The following ROBO1 variants were observed in gnomAD, a reference collection of about 807,000 sequenced individuals.
The protein encoded by ROBO1 is roundabout homolog 1.
A neutral mutation model predicts 195.9 loss-of-function variants in ROBO1; 149 were observed. That is an observed-to-expected ratio of 0.76 (90% confidence interval 0.67 to 0.87). The LOEUF (loss-of-function observed/expected upper bound fraction) is 0.87. Ranked by LOEUF, ROBO1 falls within the 40% of genes least tolerant of loss-of-function variation. The pLI is 0.00. For synonymous variants in ROBO1, 816 were observed against 733.2 expected, an observed-to-expected ratio of 1.11 and a Z score of -1.82; for missense variants, 1,933 against 2,068.3, an observed-to-expected ratio of 0.93 and a Z score of 1.27.
intron 4 of ROBO1, among the ~76,000 whole-genome samples, chr3:78,761,826 C>G (rs1384746469): frequency 6.6e-6 from 1 of 152,128 alleles, no homozygotes; most frequent in African/African-American, 2.4e-5. Flanking sequence ...GTCACACACT[C>G]ACATTATAAT....
intron 2 of ROBO1, among the ~76,000 whole-genome samples, chr3:79,586,407 A>C (rs1943831684): frequency 6.6e-6 from 1 of 151,920 alleles, no homozygotes; most frequent in African/African-American, 2.4e-5. Context: ...AAATCATTTC[A>C]GAAAATTTCA....
intron 2 of ROBO1, among the ~76,000 whole-genome samples, chr3:79,288,411 T>C (rs1041816003): frequency 6.6e-6 from 1 of 152,104 alleles, no homozygotes; most frequent in Admixed American, 6.5e-5. Context: ...AAGAAAAAAA[T>C]AAAAAACAGA....
intron 3 of ROBO1, among the ~76,000 whole-genome samples, chr3:79,091,645 A>G (rs752844391): frequency 6.6e-6 from 1 of 152,172 alleles, no homozygotes; most frequent in Non-Finnish European, 1.5e-5. Context: ...TATGGAAAAA[A>G]CAAAGTAGGG....
intron 1 of ROBO1, among the ~76,000 whole-genome samples, chr3:79,680,788 A>C (rs986864086): frequency 7.9e-5 from 12 of 152,042 alleles, no homozygotes; most frequent in African/African-American, 2.9e-4. Context: ...GCAGTAAGAA[A>C]TGACATGAAG....
At chr3:79,100,732 C>T (rs565930856) in intron 3 of ROBO1, among the ~76,000 whole-genome samples, 12 of 151,796 alleles carry the variant, frequency 7.9e-5, no homozygotes, top group African/African-American at 2.9e-4. Context: ...TCATCTGATC[C>T]TTATGTATTC....
chr3:78,948,265 A>G (rs1430732912), intron 3 of ROBO1, among the ~76,000 whole-genome samples: 1 of 152,218 alleles, frequency 6.6e-6, no homozygotes, highest in Non-Finnish European at 1.5e-5. Flanking sequence ...AAAATCCTCA[A>G]TAAAATACTG....
intron 3 of ROBO1, among the ~76,000 whole-genome samples, chr3:78,988,677 CTCTT>C (rs376492477): frequency 4.7e-4 from 71 of 152,264 alleles, no homozygotes; most frequent in African/African-American, 1.6e-3. Context: ...AACTCTAAAA[CTCTT>C]TGTTTTGTAA....
chr3:79,698,699 A>C (rs1947519429), intron 1 of ROBO1, among the ~76,000 whole-genome samples: 1 of 151,570 alleles, frequency 6.6e-6, no homozygotes, highest in Admixed American at 6.6e-5. Flanking sequence ...AGTATTCCTA[A>C]AGGGAACCAC....
intron 4 of ROBO1, among the ~76,000 whole-genome samples, chr3:78,804,963 C>T (rs1388826335): frequency 6.6e-6 from 1 of 152,018 alleles, no homozygotes; most frequent in East Asian, 1.9e-4. Flanking sequence ...TAAAGAATCT[C>T]CCTTGGTCAC....
At chr3:79,019,082 G>T (rs1470824010) in intron 3 of ROBO1, 1 of 989,956 alleles carries the variant, frequency 1.0e-6, no homozygotes, top group East Asian at 1.1e-4. Context: ...CGGCTGCCTG[G>T]GCGGGCCCTT....
intron 1 of ROBO1, among the ~76,000 whole-genome samples, chr3:79,617,011 A>G (rs1383506071): frequency 6.6e-6 from 1 of 152,206 alleles, no homozygotes; most frequent in Non-Finnish European, 1.5e-5. Context: ...CTTCAGTTAC[A>G]TTGTGGCCTT....
chr3:79,601,968 T>C (rs1021435422), intron 1 of ROBO1, among the ~76,000 whole-genome samples: 1 of 151,988 alleles, frequency 6.6e-6, no homozygotes, highest in Non-Finnish European at 1.5e-5. Context: ...AACTATGTTT[T>C]TATAGCTATT....
intron 26 of ROBO1, among the ~76,000 whole-genome samples, chr3:78,620,080 G>A (rs1268267267): frequency 6.6e-6 from 1 of 151,202 alleles, no homozygotes; most frequent in Non-Finnish European, 1.5e-5. Context: ...TTAACAGCAA[G>A]CAAACAAAAC....
intron 4 of ROBO1, among the ~76,000 whole-genome samples, chr3:78,760,831 G>A (rs572832267): frequency 4.6e-5 from 7 of 152,044 alleles, no homozygotes; most frequent in African/African-American, 1.7e-4. Flanking sequence ...TGTAGAGAGG[G>A]GGGTCTAACT....
chr3:78,735,650 C>G (rs1378646114), intron 5 of ROBO1, among the ~76,000 whole-genome samples: 1 of 151,980 alleles, frequency 6.6e-6, no homozygotes, highest in African/African-American at 2.4e-5. Flanking sequence ...TTATTAAACC[C>G]TATATATTTA....
At chr3:79,451,386 A>G (rs908357124) in intron 2 of ROBO1, among the ~76,000 whole-genome samples, 5 of 152,096 alleles carry the variant, frequency 3.3e-5, no homozygotes, top group African/African-American at 1.2e-4. Context: ...CTACTTAACC[A>G]TCTGAATGGT....
intron 2 of ROBO1, among the ~76,000 whole-genome samples, chr3:79,178,606 C>G (rs943778105): frequency 2.0e-5 from 3 of 152,030 alleles, no homozygotes; most frequent in African/African-American, 7.3e-5. Context: ...GTGTGAAATC[C>G]GAACAGAAAG....
At chr3:78,965,410 T>C (rs1023566448) in intron 3 of ROBO1, among the ~76,000 whole-genome samples, 5 of 152,162 alleles carry the variant, frequency 3.3e-5, no homozygotes, top group Admixed American at 6.5e-5. Flanking sequence ...AGTTTCCTTT[T>C]TTCATATCAT....
chr3:79,314,404 T>C (rs2033636536), intron 2 of ROBO1, among the ~76,000 whole-genome samples: 2 of 152,144 alleles, frequency 1.3e-5, no homozygotes, highest in Admixed American at 1.3e-4. Flanking sequence ...GTGAGAGAGT[T>C]CTCATGAGAT....
Sources: gnomAD v4.1 joint callset for allele counts (sites outside exome capture counted in the v4.1 genomes callset) on GRCh38, gnomAD v4.1.1 for gene constraint, MANE v1.5 for transcripts, NCBI Gene and HGNC (gene_info 2026-07-23, HGNC 2026-07-21) for gene names.